The following RPS6KA2 variants were observed in gnomAD, a reference collection of about 807,000 sequenced individuals.
The protein encoded by RPS6KA2 is ribosomal protein S6 kinase A2, also known as ribosomal protein S6 kinase alpha-2.
In RPS6KA2, 42 loss-of-function variants were observed where a neutral mutation model predicts 91.8. That is an observed-to-expected ratio of 0.46 (90% CI 0.36 to 0.59). RPS6KA2 has a LOEUF of 0.59. Among genes scored for constraint, RPS6KA2 ranks in the 20% least tolerant of loss-of-function variants. The pLI is 0.00. For missense variants in RPS6KA2, 798 were observed against 978.5 expected, an observed-to-expected ratio of 0.82 and a Z score of 2.46; for synonymous variants, 414 against 393.6, an observed-to-expected ratio of 1.05 and a Z score of -0.61.
At chr6:166,774,630 C>T (rs988708618) in intron 2 of RPS6KA2, among the ~76,000 whole-genome samples, 1 of 152,130 alleles carries the variant, frequency 6.6e-6, no homozygotes, top group African/African-American at 2.4e-5. Flanking sequence ...TCATTGGACT[C>T]CTCAGCCCCA....
intron 1 of RPS6KA2, among the ~76,000 whole-genome samples, chr6:166,571,534 T>C (rs1438952795): frequency 1.3e-5 from 2 of 152,244 alleles, no homozygotes; most frequent in Non-Finnish European, 2.9e-5. Context: ...TGCACGCACA[T>C]GCGCGTTCTA....
chr6:166,607,077 G>A (rs1295965774), intron 1 of RPS6KA2, among the ~76,000 whole-genome samples: 2 of 151,220 alleles, frequency 1.3e-5, no homozygotes, highest in African/African-American at 4.9e-5. Context: ...GGGATGCAGA[G>A]GTTGCAGTGA....
At chr6:166,687,104 C>A (rs1158221693) in intron 2 of RPS6KA2, among the ~76,000 whole-genome samples, 1 of 152,194 alleles carries the variant, frequency 6.6e-6, no homozygotes, top group Non-Finnish European at 1.5e-5. Flanking sequence ...CCGTGGAGAT[C>A]CAGACACAGA....
chr6:166,430,385 C>G (rs1583123008), intron 16 of RPS6KA2, 68 bp downstream of exon 16: 1 of 1,428,760 alleles, frequency 7.0e-7, no homozygotes, highest in Non-Finnish European at 9.6e-7. Context: ...ACCCATAAAC[C>G]CTTGTGGTTT....
chr6:166,728,911 G>C (rs1790428496), intron 2 of RPS6KA2, among the ~76,000 whole-genome samples: 1 of 152,212 alleles, frequency 6.6e-6, no homozygotes, highest in African/African-American at 2.4e-5. Context: ...GTGAGGTGTA[G>C]CTGCATCCCT....
intron 1 of RPS6KA2, among the ~76,000 whole-genome samples, chr6:166,598,634 C>T (rs568377659): frequency 3.9e-5 from 6 of 152,288 alleles, no homozygotes; most frequent in Admixed American, 3.3e-4. Context: ...ACGCTCTAAA[C>T]ATTTTGGCTC....
intron 2 of RPS6KA2, among the ~76,000 whole-genome samples, chr6:166,771,468 A>G (rs1230566062): frequency 6.6e-6 from 1 of 152,190 alleles, no homozygotes; most frequent in Non-Finnish European, 1.5e-5. Flanking sequence ...CTTTTTGGCC[A>G]GCATGGTTTG....
Position 166,434,240 on chromosome 6 carries a change from C to A in RPS6KA2, c.1333-1750G>T, listed in dbSNP as rs570446560. On this transcript the variant is annotated intron_variant, in intron 14 of 20. Coordinates refer to ENST00000265678, the MANE Select transcript of RPS6KA2 (RefSeq NM_021135.6). This position sits in a 1 kb window ranked among gnomAD's most constrained non-coding sequence, Gnocchi z 4.4. ...CACGGCCACCATTCAGCTGTGACTG[C>A]ATCAGTGGCCCATGATCTGTGAGTC... Among the ~76,000 whole-genome samples, 1 of 152,360 alleles carries A rather than the reference C, an allele frequency of 6.6e-6. No individual in the cohort carries two copies. Among genetic ancestry groups the A allele is most frequent in the South Asian group, 2.1e-4 (1 of 4,834 alleles).
At chr6:166,507,987 C>T (rs1186437330) in intron 5 of RPS6KA2, among the ~76,000 whole-genome samples, 1 of 147,988 alleles carries the variant, frequency 6.8e-6, no homozygotes, top group Non-Finnish European at 1.5e-5. Context: ...GTCTCGCAAC[C>T]CCCCACCACA....
intron 2 of RPS6KA2, among the ~76,000 whole-genome samples, chr6:166,642,805 G>A (rs146868537): frequency 1.9e-4 from 29 of 152,330 alleles, no homozygotes; most frequent in Admixed American, 5.9e-4. Flanking sequence ...GGTCCTGAGC[G>A]TCACTGCACC....
At position 166,564,123 on chromosome 6, in the gene RPS6KA2, C is replaced by T. The variant is rs1415033529; in HGVS notation, c.100-25339G>A. On this transcript the variant is annotated intron_variant, in intron 1 of 20. Transcript: ENST00000265678. ...GGAATATATTTACTTAGAGAAGCGG[C>T]CTATTAACATTTCCCGGGAAAATGC... Among the ~76,000 whole-genome samples, 5 of 152,314 alleles carry T rather than the reference C, an allele frequency of 3.3e-5. No individual in the cohort carries two copies. The East Asian group carries it at 9.6e-4, about 29-fold the overall frequency.
intron 2 of RPS6KA2, among the ~76,000 whole-genome samples, chr6:166,853,671 G>A (rs759332139): frequency 4.6e-5 from 7 of 152,258 alleles, no homozygotes; most frequent in Non-Finnish European, 4.4e-5. Flanking sequence ...TGTGAGGTTC[G>A]TTTGAGTACA....
intron 2 of RPS6KA2, among the ~76,000 whole-genome samples, chr6:166,789,073 G>C (rs932113539): frequency 6.6e-6 from 1 of 152,156 alleles, no homozygotes; most frequent in Non-Finnish European, 1.5e-5. Flanking sequence ...TACCTCACTC[G>C]GGAAGTGCAA....
intron 2 of RPS6KA2, among the ~76,000 whole-genome samples, chr6:166,700,425 T>C (rs1274419735): frequency 1.3e-5 from 2 of 152,234 alleles, no homozygotes; most frequent in South Asian, 2.1e-4. Context: ...GCTGTTGCTG[T>C]TAAATTTTAA....
chr6:166,588,893 G>C (rs948032754), intron 1 of RPS6KA2, among the ~76,000 whole-genome samples: 2 of 152,220 alleles, frequency 1.3e-5, no homozygotes, highest in Non-Finnish European at 2.9e-5. Context: ...GACTACCTGT[G>C]TTCCAGCAAG....
chr6:166,835,726 T>C (rs1262220765), intron 2 of RPS6KA2, among the ~76,000 whole-genome samples: 1 of 152,254 alleles, frequency 6.6e-6, no homozygotes, highest in Non-Finnish European at 1.5e-5. Flanking sequence ...CCAATTTGTA[T>C]AACTTACATT....
intron 2 of RPS6KA2, among the ~76,000 whole-genome samples, chr6:166,820,838 C>T (rs1310505896): frequency 2.6e-5 from 4 of 152,120 alleles, no homozygotes; most frequent in Non-Finnish European, 4.4e-5. Context: ...CTTATAATGA[C>T]CTCAATTATT....
At chr6:166,674,181 CAATA>C (rs1788557013) in intron 2 of RPS6KA2, among the ~76,000 whole-genome samples, 2 of 152,130 alleles carry the variant, frequency 1.3e-5, no homozygotes, top group Admixed American at 6.5e-5. Flanking sequence ...CCATCCATGT[CAATA>C]AATAGATTAT....
chr6:166,615,928 A>G (rs1047503170), intron 1 of RPS6KA2, among the ~76,000 whole-genome samples: 4 of 152,164 alleles, frequency 2.6e-5, no homozygotes, highest in Non-Finnish European at 4.4e-5. Flanking sequence ...CTCCCTGCAT[A>G]CACAGGCCTC....
Sources: allele counts gnomAD v4.1 joint callset (sites outside exome capture counted in the v4.1 genomes callset), GRCh38; gene constraint gnomAD v4.1.1; non-coding constraint Gnocchi (gnomAD v3.1); transcripts MANE v1.5; gene names NCBI Gene and HGNC (gene_info 2026-07-23, HGNC 2026-07-21).